Variants in LPXN observed in about 807,000 individuals in gnomAD.
LPXN encodes the protein leupaxin.
LPXN carries 28 observed loss-of-function variants against 45.6 expected under a neutral mutation model. That is an observed-to-expected ratio of 0.61 (90% CI 0.45 to 0.84). The LOEUF (loss-of-function observed/expected upper bound fraction) is 0.84, where lower values mean the gene tolerates loss of function less well. Ranked by LOEUF, LPXN falls within the 40% of genes least tolerant of loss-of-function variation. The pLI, the probability that LPXN is intolerant of heterozygous loss-of-function variation, is 0.00. For missense variants in LPXN, 459 were observed against 475.0 expected (o/e 0.97, Z 0.31); for synonymous variants, 166 against 169.9 (o/e 0.98, Z 0.18).
At chr11:58,575,356 C>A (rs954071316) in intron 1 of LPXN, among the ~76,000 whole-genome samples, 2 of 152,182 alleles carry the variant, frequency 1.3e-5, no homozygotes, top group Non-Finnish European at 2.9e-5. Context: ...CCTCATAACA[C>A]CCCAATTCCC....
chr11:58,575,608 C>T (rs1854860383), intron 1 of LPXN, 152 bp downstream of exon 1: 1 of 889,356 alleles, frequency 1.1e-6, no homozygotes, highest in Non-Finnish European at 1.8e-6. Flanking sequence ...GTTCCTCATG[C>T]TTCACTCTTG....
intron 7 of LPXN, among the ~76,000 whole-genome samples, chr11:58,543,920 C>T (rs1853805169): frequency 6.6e-6 from 1 of 152,140 alleles, no homozygotes; most frequent in Admixed American, 6.6e-5. Context: ...ATAGAAGCAG[C>T]TAGGTGTTGG....
chr11:58,556,742 C>T (rs1279982386), intron 3 of LPXN, among the ~76,000 whole-genome samples: 5 of 151,320 alleles, frequency 3.3e-5, no homozygotes, highest in East Asian at 3.9e-4. Context: ...AAATCCAATG[C>T]GAAAAAAAGA....
intron 6 of LPXN, 34 bp from the exon 7 acceptor site, chr11:58,549,901 C>G: frequency 2.5e-6 from 4 of 1,613,794 alleles, no homozygotes; most frequent in Non-Finnish European, 3.4e-6. Context: ...TATAATGATG[C>G]AGAAGTTGTA....
Position 58,528,216 on chromosome 11 carries a change from A to G in LPXN, c.743-25T>C, listed in dbSNP as rs371739410. On this transcript the variant is annotated intron_variant, in intron 7 of 8. Coordinates refer to ENST00000395074, the MANE Select transcript of LPXN (RefSeq NM_004811.3). ...CCTGGAGAGATAAAATCAGGAATTC[A>G]CTGTTGCAGGTTGAGCCCTGAAAGC... is the stretch of plus-strand genomic sequence containing the variant. 39 of 1,609,328 alleles carry G rather than the reference A, an allele frequency of 2.4e-5. No individual in the cohort carries two copies. In the African/African-American group the frequency reaches 4.8e-4, roughly 20 times the overall value.
intron 1 of LPXN, among the ~76,000 whole-genome samples, chr11:58,574,731 G>A (rs1854826582): frequency 6.6e-6 from 1 of 152,084 alleles, no homozygotes; most frequent in Non-Finnish European, 1.5e-5. Context: ...TACCTCCAAA[G>A]CAGTTTGATA....
intron 3 of LPXN, among the ~76,000 whole-genome samples, chr11:58,562,291 C>A (rs1242481630): frequency 6.6e-6 from 1 of 152,058 alleles, no homozygotes; most frequent in African/African-American, 2.4e-5. Context: ...ATGTTAAAAG[C>A]AATATTTAGT....
intron 3 of LPXN, among the ~76,000 whole-genome samples, chr11:58,560,213 T>C (rs557045849): frequency 6.6e-6 from 1 of 152,314 alleles, no homozygotes; most frequent in South Asian, 2.1e-4. Context: ...GGTGGAGGTG[T>C]CAGATGAGAC....
upstream of LPXN, among the ~76,000 whole-genome samples, chr11:58,578,828 G>A (rs1855008181): frequency 6.6e-6 from 1 of 151,956 alleles, no homozygotes; most frequent in South Asian, 2.1e-4. Context: ...CCCCTAGCGC[G>A]CGTTGAAGTC....
At chr11:58,559,217 A>C (rs1033748268) in intron 3 of LPXN, among the ~76,000 whole-genome samples, 13 of 152,106 alleles carry the variant, frequency 8.5e-5, no homozygotes, top group Non-Finnish European at 1.6e-4. Context: ...AATTTTATAT[A>C]TATACACATA....
chr11:58,541,419 G>A (rs1853718553), intron 7 of LPXN, among the ~76,000 whole-genome samples: 1 of 152,140 alleles, frequency 6.6e-6, no homozygotes, highest in Non-Finnish European at 1.5e-5. Context: ...CATTTATGCA[G>A]GCAAAAGACA....
chr11:58,576,752 G>A (rs188733377), upstream of LPXN, among the ~76,000 whole-genome samples: 15 of 152,206 alleles, frequency 9.9e-5, no homozygotes, highest in Admixed American at 9.8e-4. Flanking sequence ...CAAAGTCTGG[G>A]ATCTTTCCTC....
At chr11:58,540,490 A>G (rs12282872) in intron 7 of LPXN, among the ~76,000 whole-genome samples, 1,651 of 152,306 alleles carry the variant, frequency 0.011, 37 homozygotes, top group African/African-American at 0.038. Context: ...AAAGTGATGC[A>G]TGCCGAAGTA....
chr11:58,561,331 T>A (rs1285889281), intron 3 of LPXN, among the ~76,000 whole-genome samples: 1 of 152,184 alleles, frequency 6.6e-6, no homozygotes, highest in Non-Finnish European at 1.5e-5. Flanking sequence ...ATACGACATA[T>A]CTCATGTCCA....
At chr11:58,547,696 C>CT (rs1853916706) in intron 7 of LPXN, among the ~76,000 whole-genome samples, 1 of 152,210 alleles carries the variant, frequency 6.6e-6, no homozygotes, top group Admixed American at 6.5e-5. Flanking sequence ...GTGGCTGTCA[C>CT]TTTTAAAGTG....
At chr11:58,556,722 A>T (rs529913098) in intron 3 of LPXN, among the ~76,000 whole-genome samples, 1 of 152,162 alleles carries the variant, frequency 6.6e-6, no homozygotes, top group Non-Finnish European at 1.5e-5. Flanking sequence ...ATCATCAATA[A>T]GCAGTTTGAA....
chr11:58,550,935 G>C, intron 5 of LPXN, 130 bp downstream of exon 5: 1 of 808,704 alleles, frequency 1.2e-6, no homozygotes, highest in Non-Finnish European at 1.8e-6. Flanking sequence ...TCAGTGGCCA[G>C]AGCACTGTAA....
chr11:58,554,639 T>C (rs1453436495), intron 4 of LPXN: 1 of 450,068 alleles, frequency 2.2e-6, no homozygotes. Flanking sequence ...TTAATTTTTG[T>C]GTCCAAATAA....
chr11:58,541,206 A>C (rs559346778), intron 7 of LPXN, among the ~76,000 whole-genome samples: 8 of 152,348 alleles, frequency 5.3e-5, no homozygotes, highest in South Asian at 2.1e-4. Flanking sequence ...AATTAAACTA[A>C]GGAGCTTCTG....
Sources: gnomAD v4.1 joint callset for allele counts (sites outside exome capture counted in the v4.1 genomes callset) on GRCh38, gnomAD v4.1.1 for gene constraint, MANE v1.5 for transcripts, NCBI Gene and HGNC (gene_info 2026-07-23, HGNC 2026-07-21) for gene names.